The following RFX4 variants were observed in gnomAD, a reference collection of about 807,000 sequenced individuals.
RFX4 encodes the protein transcription factor RFX4.
A neutral mutation model predicts 95.0 loss-of-function variants in RFX4; 10 were observed. The observed-to-expected ratio is 0.11, with a 90% confidence interval of 0.06 to 0.18. The LOEUF (loss-of-function observed/expected upper bound fraction) is 0.18. RFX4 is among the 10% of genes least tolerant of loss of function. The pLI is 1.00. For synonymous variants in RFX4, 321 were observed against 340.7 expected (o/e 0.94, Z 0.64); for missense variants, 640 against 922.0 (o/e 0.69, Z 3.96).
At chr12:106,722,011 G>A (rs991776137) in intron 13 of RFX4, among the ~76,000 whole-genome samples, 1 of 152,348 alleles carries the variant, frequency 6.6e-6, no homozygotes, top group South Asian at 2.1e-4. Context: ...AGCATTGGAA[G>A]GTTCTCTGAA....
chr12:106,721,783 C>T (rs1042605115), intron 13 of RFX4, among the ~76,000 whole-genome samples: 1 of 152,214 alleles, frequency 6.6e-6, no homozygotes, highest in Admixed American at 6.5e-5. Context: ...CTCATTATCT[C>T]CAATTAAGCC....
intron 17 of RFX4, among the ~76,000 whole-genome samples, chr12:106,753,787 T>C (rs1393852719): frequency 2.6e-5 from 4 of 152,198 alleles, no homozygotes; most frequent in African/African-American, 9.6e-5. Flanking sequence ...GATGAGTACA[T>C]GGGAGGTGGC....
At chr12:106,736,724 G>A (rs754176116) in intron 15 of RFX4, among the ~76,000 whole-genome samples, 2 of 152,178 alleles carry the variant, frequency 1.3e-5, no homozygotes, top group East Asian at 1.9e-4. Flanking sequence ...CCCAAGTCCA[G>A]TTGTTCTAAT....
At chr12:106,593,712 A>G (rs1197976549) in intron 1 of RFX4, among the ~76,000 whole-genome samples, 3 of 152,222 alleles carry the variant, frequency 2.0e-5, no homozygotes, top group Admixed American at 2.0e-4. Context: ...AAAAGTGAGC[A>G]TGAAAGAGTT....
intron 2 of RFX4, among the ~76,000 whole-genome samples, chr12:106,626,672 G>C (rs933029570): frequency 6.6e-6 from 1 of 152,270 alleles, no homozygotes; most frequent in Non-Finnish European, 1.5e-5. Flanking sequence ...CAAGTTTGAG[G>C]CCTTAGACTA....
chr12:106,609,916 A>G (rs1478677315), intron 2 of RFX4, among the ~76,000 whole-genome samples: 2 of 152,160 alleles, frequency 1.3e-5, no homozygotes. Flanking sequence ...TGTAAATGGG[A>G]TAATGGACTC....
At chr12:106,740,301 G>C (rs537943217) in intron 15 of RFX4, among the ~76,000 whole-genome samples, 3 of 152,306 alleles carry the variant, frequency 2.0e-5, no homozygotes, top group South Asian at 2.1e-4. Context: ...CAAAAGCCTA[G>C]TTATTCTGAG....
chr12:106,735,681 T>G (rs949389390), intron 15 of RFX4, among the ~76,000 whole-genome samples: 1 of 145,326 alleles, frequency 6.9e-6, no homozygotes. Flanking sequence ...TTCATGTATA[T>G]ATGTACACAC....
intron 4 of RFX4, among the ~76,000 whole-genome samples, chr12:106,667,948 G>A (rs1022690097): frequency 6.6e-6 from 1 of 152,158 alleles, no homozygotes; most frequent in South Asian, 2.1e-4. Context: ...GCAAAACACT[G>A]GAGCATTCTC....
chr12:106,674,216 C>T (rs569850520), intron 4 of RFX4, among the ~76,000 whole-genome samples: 63 of 152,334 alleles, frequency 4.1e-4, no homozygotes, highest in Admixed American at 2.5e-3. Context: ...CAGTTTCCTT[C>T]CCCCAGATAT....
At chr12:106,650,844 G>A (rs951467232) in intron 3 of RFX4, among the ~76,000 whole-genome samples, 4 of 152,048 alleles carry the variant, frequency 2.6e-5, no homozygotes, top group African/African-American at 9.7e-5. Context: ...AACGTATTAA[G>A]CTTTAAATTA....
At chr12:106,624,901 C>A (rs991467886) in intron 2 of RFX4, among the ~76,000 whole-genome samples, 2 of 151,858 alleles carry the variant, frequency 1.3e-5, no homozygotes, top group Non-Finnish European at 2.9e-5. Context: ...CTGGACCGGG[C>A]CAATTGAAAA....
intron 9 of RFX4, 124 bp from the exon 10 acceptor site, chr12:106,711,329 G>A: frequency 2.5e-6 from 2 of 792,778 alleles, no homozygotes; most frequent in Middle Eastern, 3.1e-4. Context: ...CATAAAATGG[G>A]ATTGGGCAGT....
At chr12:106,737,940 C>T (rs2042741684) in intron 15 of RFX4, among the ~76,000 whole-genome samples, 1 of 152,114 alleles carries the variant, frequency 6.6e-6, no homozygotes, top group South Asian at 2.1e-4. Context: ...ATTTTCTTTC[C>T]ATAGTGGGTT....
At chr12:106,605,587 G>A (rs2137194383) in intron 1 of RFX4, among the ~76,000 whole-genome samples, 1 of 152,308 alleles carries the variant, frequency 6.6e-6, no homozygotes, top group East Asian at 1.9e-4. Context: ...ACCATTGTCT[G>A]AACCCTCAGA....
chr12:106,700,403 CTTTTTTT>C lies in RFX4; in HGVS notation c.833+3972_833+3978del, dbSNP rs989886928. On this transcript the variant is annotated intron_variant, in intron 8 of 17. Transcript: ENST00000392842. Reference sequence around the variant, plus strand: ...TTTTAAGTTTGTATATCTTCTTTTTCTTTTTTTTTTTTTTTTTTTTTGAGACGGAGTC... The same window carrying C: ...TTTTAAGTTTGTATATCTTCTTTTTCTTTTTTTTTTTTTTGAGACGGAGTC... Among the ~76,000 whole-genome samples the C allele has an allele frequency of 4.9e-5, 6 of 122,692 alleles. No individual in the cohort carries two copies. In the East Asian group the frequency reaches 9.4e-4, roughly 19 times the overall value. 80.5% of individuals were successfully genotyped at this position (122,692 alleles called of 152,430 possible).
chr12:106,705,279 T>TGATGGGCATTCAGGGAGCTACGAC (rs2042062867), intron 8 of RFX4, among the ~76,000 whole-genome samples: 6 of 152,026 alleles, frequency 3.9e-5, no homozygotes, highest in African/African-American at 1.5e-4. Context: ...ACAGCATCAC[T>TGATGGGCATTCAGGGAGCTACGAC]GCTGATGGGC....
intron 2 of RFX4, among the ~76,000 whole-genome samples, chr12:106,615,393 G>A (rs1439336770): frequency 2.0e-5 from 3 of 152,078 alleles, no homozygotes; most frequent in African/African-American, 4.8e-5. Context: ...AAAATAAGTC[G>A]TGATATCTGG....
At chr12:106,620,071 T>C (rs2040151738) in intron 2 of RFX4, among the ~76,000 whole-genome samples, 1 of 152,272 alleles carries the variant, frequency 6.6e-6, no homozygotes, top group Non-Finnish European at 1.5e-5. Context: ...CTGATAAGTC[T>C]AGTATCTGAA....
Sources: gnomAD v4.1 joint callset for allele counts (sites outside exome capture counted in the v4.1 genomes callset) on GRCh38, gnomAD v4.1.1 for gene constraint, MANE v1.5 for transcripts, NCBI Gene and HGNC (gene_info 2026-07-23, HGNC 2026-07-21) for gene names.